The following INPP5F variants were observed in gnomAD, a reference collection of about 807,000 sequenced individuals.
INPP5F encodes the protein inositol polyphosphate-5-phosphatase F, also known as phosphatidylinositide 4-phosphatase SAC2.
Under a neutral mutation model 137.2 loss-of-function variants are expected in INPP5F, and 97 were observed. The ratio of observed to expected loss-of-function variants is 0.71; its 90% CI spans 0.60 to 0.84. INPP5F has a LOEUF of 0.84. Ranked by LOEUF, INPP5F falls within the 40% of genes least tolerant of loss-of-function variation. The probability of loss-of-function intolerance (pLI) is 0.00; values close to 1 mark genes in which losing one functional copy is unlikely to be tolerated. For missense variants in INPP5F, 1,271 were observed against 1,371.9 expected, an observed-to-expected ratio of 0.93 and a Z score of 1.16; for synonymous variants, 504 against 476.9, an observed-to-expected ratio of 1.06 and a Z score of -0.74.
In INPP5F at chr10:119,777,435, A is replaced by G. The variant is rs543274258; in HGVS notation, c.179-4200A>G. Among the ~76,000 whole-genome samples, 185 of 152,292 alleles carry G rather than the reference A, an allele frequency of 1.2e-3. 2 individuals carry two copies. The highest frequency in any genetic ancestry group is 4.4e-3 in the African/African-American group (181 of 41,540). On this transcript the variant is annotated intron_variant, in intron 2 of 19. Transcript: ENST00000650623. Reference sequence around the variant, plus strand: ...CAGCCACTTGGGAGGCTGAGACAGGAGAACTGCTTAAACCTGGGAGGCAGA... The same window carrying G: ...CAGCCACTTGGGAGGCTGAGACAGGGGAACTGCTTAAACCTGGGAGGCAGA...
At position 119,756,865 on chromosome 10, in the gene INPP5F, CA is replaced by C. The variant is rs11415974; in HGVS notation, c.178+5730del. Among the ~76,000 whole-genome samples, 666 of 97,302 alleles carry C rather than the reference CA, an allele frequency of 6.8e-3. 3 individuals are homozygous for C. Among genetic ancestry groups the C allele is most frequent in the African/African-American group, 0.024 (583 of 24,694 alleles). 63.8% of individuals were successfully genotyped at this position (97,302 alleles called of 152,430 possible). A position where few individuals can be genotyped will look rare whatever the true frequency, so the allele number is the denominator to read the frequency against. On this transcript the variant is annotated intron_variant, in intron 2 of 19. Transcript: ENST00000650623. Reference sequence around the variant, plus strand: ...CCTGCCCTTTTAGCAAGCTCTGCCACAAAAAAAAAAAAAAAAAAAAAGGTTC... The same window carrying C: ...CCTGCCCTTTTAGCAAGCTCTGCCACAAAAAAAAAAAAAAAAAAAAGGTTC...
At position 119,827,751 on chromosome 10, in the gene INPP5F, C is replaced by A. The variant is rs1409972305; in HGVS notation, c.3370C>A (p.Gln1124Lys). Reference sequence around the variant, plus strand: ...AAATGAACTTAAAAAGATGTTTATACAATGCCAGACACGGATAATTCAGAT... The same window carrying A: ...AAATGAACTTAAAAAGATGTTTATAAAATGCCAGACACGGATAATTCAGAT... ...QQNELKKMFIQCQTRIIQI is the reference protein window; with the variant it reads ...QQNELKKMFIKCQTRIIQI Residue 1124 changes from glutamine to lysine, a missense_variant, in exon 20 of 20, where the codon CAA becomes AAA. Transcript: ENST00000650623. The A allele has an allele frequency of 6.2e-7, 1 of 1,611,042 alleles. No individual in the cohort carries two copies. The highest frequency in any genetic ancestry group is 1.7e-5 in the Admixed American group (1 of 59,720).
At chr10:119,822,760 A>G (rs1482343935) in intron 17 of INPP5F, among the ~76,000 whole-genome samples, 3 of 152,254 alleles carry the variant, frequency 2.0e-5, no homozygotes, top group Non-Finnish European at 4.4e-5. Context: ...AGAAAGGGAT[A>G]TTCCAAGCTG....
chr10:119,791,592 C>A lies in INPP5F; in HGVS notation c.391C>A (p.Leu131Met), dbSNP rs762753589. 102 of 1,604,504 alleles carry A rather than the reference C, an allele frequency of 6.4e-5. No individual in the cohort carries two copies. In the Middle Eastern group the frequency reaches 6.6e-4, roughly 10 times the overall value. Residue 131 changes from leucine to methionine, a missense_variant, in exon 4 of 20, where the codon CTG becomes ATG. Physicochemically the swap from Leu to Met is conservative, Grantham distance 15. Transcript: ENST00000650623. ...ATCTCCTGATGACTCAAAGTTTCTA[C>A]TGAAGACCTTTACGCATATTAAATC... ...IPSPDDSKFL[L>M]KTFTHIKSNV...
Position 119,726,229 on chromosome 10 carries a change from C to A in INPP5F, c.-34C>A. ...ACTAGGACGCCCCGTGCGCCGCCCG[C>A]GGGCCGCCGCCTCCCTGGGCGCGCG... On this transcript the variant is annotated 5_prime_UTR_variant, in exon 1 of 20. Coordinates refer to ENST00000650623, the MANE Select transcript of INPP5F (RefSeq NM_014937.4). The A allele has an allele frequency of 7.2e-7, 1 of 1,380,264 alleles. No individual in the cohort carries two copies. The highest frequency in any genetic ancestry group is 1.4e-5 in the South Asian group (1 of 69,144). The allele number at this position is 1,380,264 out of a possible 1,614,324, so 85.5% of individuals were successfully genotyped here. A position where few individuals can be genotyped will look rare whatever the true frequency, so the allele number is the denominator to read the frequency against.
At chr10:119,819,381 T>A in intron 15 of INPP5F, 10 of 1,383,088 alleles carry the variant, frequency 7.2e-6, no homozygotes, top group Non-Finnish European at 9.5e-6. Context: ...ACATAATGTT[T>A]TTGACTGGGG....
At chr10:119,817,792 T>C (rs925268998) in intron 15 of INPP5F, among the ~76,000 whole-genome samples, 3 of 152,254 alleles carry the variant, frequency 2.0e-5, no homozygotes, top group African/African-American at 7.2e-5. Flanking sequence ...CTTAAATGTT[T>C]GATGCTTTGT....
At chr10:119,820,734 T>A (rs764597644) in intron 15 of INPP5F, 112 bp from the exon 16 acceptor site, 1 of 740,510 alleles carries the variant, frequency 1.4e-6, no homozygotes, top group South Asian at 1.5e-5. Flanking sequence ...CTTCTTCTTT[T>A]CCCTCCCCCT....
intron 2 of INPP5F, among the ~76,000 whole-genome samples, chr10:119,766,269 T>G (rs1334404446): frequency 6.6e-6 from 1 of 152,172 alleles, no homozygotes; most frequent in Non-Finnish European, 1.5e-5. Context: ...GTTTACCAAT[T>G]CAAATGCAAA....
intron 2 of INPP5F, among the ~76,000 whole-genome samples, chr10:119,760,063 A>T (rs1430570148): frequency 1.3e-5 from 2 of 152,208 alleles, no homozygotes; most frequent in Non-Finnish European, 2.9e-5. Flanking sequence ...GAGTGTGGTT[A>T]CACAAGTATG....
intron 15 of INPP5F, chr10:119,815,290 CT>C (rs755114105): frequency 6.6e-6 from 1 of 152,574 alleles, no homozygotes; most frequent in Non-Finnish European, 1.5e-5. Context: ...GTTTTTTCCT[CT>C]GATTCTTTCT....
rs1851795548 is a variant in INPP5F, at chr10:119,827,142, A to G, written c.2761A>G (p.Ile921Val). The change falls in exon 20 of 20, where the codon ATT (isoleucine) becomes GTT (valine). Residue 921 changes from isoleucine (I) to valine (V), a missense_variant. This residue lies in a region of INPP5F where 490 missense variants were observed against 443.7 expected (regional missense o/e 1.10). Coordinates refer to ENST00000650623, the MANE Select transcript of INPP5F (RefSeq NM_014937.4). ...TAGTAGCGTTCATGCTCCTTCAGAG[A>G]TTACTGTTGCTCATGGGAGTGGGCT... Reference protein sequence around the residue: ...TDSSVHAPSEITVAHGSGLGK... With the variant: ...TDSSVHAPSEVTVAHGSGLGK... The G allele has an allele frequency of 6.2e-7, 1 of 1,614,016 alleles. No homozygotes were observed. Among genetic ancestry groups the G allele is most frequent in the African/African-American group, 1.3e-5 (1 of 74,922 alleles).
rs1849770219 is a variant in INPP5F at position 119,783,342 on chromosome 10, C to T, written c.315+1571C>T. On this transcript the variant is annotated intron_variant, in intron 3 of 19. Coordinates refer to ENST00000650623, the MANE Select transcript of INPP5F (RefSeq NM_014937.4). Reference sequence around the variant, plus strand: ...CCTTGAGGGTGGGCACCCCTTTGGCCTGGCATTCAGGTTTGAGCACTAAGA... The same window carrying T: ...CCTTGAGGGTGGGCACCCCTTTGGCTTGGCATTCAGGTTTGAGCACTAAGA... Among the ~76,000 whole-genome samples, 3 of 152,194 alleles carry T rather than the reference C, an allele frequency of 2.0e-5. No individual in the cohort carries two copies. In the South Asian group the frequency reaches 6.2e-4, roughly 31 times the overall value.
At chr10:119,778,550 CTTCT>C (rs1343238707) in intron 2 of INPP5F, among the ~76,000 whole-genome samples, 1 of 151,992 alleles carries the variant, frequency 6.6e-6, no homozygotes, top group Non-Finnish European at 1.5e-5. Flanking sequence ...TGGGTGTTTG[CTTCT>C]TTCTGTCTTG....
intron 15 of INPP5F, among the ~76,000 whole-genome samples, chr10:119,813,026 A>G (rs1161413969): frequency 6.6e-6 from 1 of 152,158 alleles, no homozygotes; most frequent in Non-Finnish European, 1.5e-5. Context: ...GAGGGTATCA[A>G]TATCATGATT....
In INPP5F at chr10:119,787,988, C is replaced by G. The variant is rs1849984682; in HGVS notation, c.316-3529C>G. Among the ~76,000 whole-genome samples the G allele has an allele frequency of 6.6e-6, 1 of 152,160 alleles. No individual in the cohort carries two copies. The highest frequency in any genetic ancestry group is 1.5e-5 in the Non-Finnish European group (1 of 68,034). ...CCAGTAGCATTTCCATGAAGAAATA[C>G]TGGTCTGGGCAAAAGATAGGGATCT... On this transcript the variant is annotated intron_variant, in intron 3 of 19. Transcript: ENST00000650623. This position sits in a 1 kb window ranked among gnomAD's most constrained non-coding sequence, Gnocchi z 4.1.
chr10:119,777,529 TA>T (rs1849565603), intron 2 of INPP5F, among the ~76,000 whole-genome samples: 1 of 151,968 alleles, frequency 6.6e-6, no homozygotes, highest in African/African-American at 2.4e-5. Context: ...TGTCTCAAAA[TA>T]AATAAATAAA....
chr10:119,796,157 CT>C (rs1000777897), intron 6 of INPP5F, among the ~76,000 whole-genome samples: 107 of 151,902 alleles, frequency 7.0e-4, no homozygotes, highest in African/African-American at 2.3e-3. Context: ...TGGGTTTTTT[CT>C]TTTTGGTTTC....
chr10:119,751,774 C>A (rs1417537887), intron 2 of INPP5F, among the ~76,000 whole-genome samples: 1 of 152,078 alleles, frequency 6.6e-6, no homozygotes, highest in Non-Finnish European at 1.5e-5. Flanking sequence ...TTTATTTTTT[C>A]TTTTTTGGTG....
Sources: gnomAD v4.1 joint callset for allele counts (sites outside exome capture counted in the v4.1 genomes callset) on GRCh38, gnomAD v4.1.1 for gene constraint, gnomAD v4.1.1 regional missense constraint, Gnocchi (gnomAD v3.1) non-coding constraint, MANE v1.5 for transcripts, NCBI Gene and HGNC (gene_info 2026-07-23, HGNC 2026-07-21) for gene names.